Variants in RASEF observed in about 807,000 individuals in gnomAD.
The protein encoded by RASEF is RAS and EF-hand domain containing, also known as ras and EF-hand domain-containing protein.
RASEF carries 68 observed loss-of-function variants against 90.1 expected under a neutral mutation model. The ratio of observed to expected loss-of-function variants is 0.75; its 90% CI spans 0.62 to 0.92. RASEF has a LOEUF of 0.92. Ranked by LOEUF, RASEF falls within the 40% of genes least tolerant of loss-of-function variation. RASEF has a pLI of 0.00. For synonymous variants in RASEF, 331 were observed against 345.2 expected (o/e 0.96, Z 0.46); for missense variants, 949 against 937.2 (o/e 1.01, Z -0.16).
the RASEF span, among the ~76,000 whole-genome samples, chr9:83,198,906 T>G: frequency 6.6e-6 from 1 of 151,958 alleles, no homozygotes; most frequent in Admixed American, 6.6e-5. Flanking sequence ...ATACAAATCT[T>G]AAATATTTAG....
chr9:83,104,027 T>G, the RASEF span, among the ~76,000 whole-genome samples: 1 of 152,168 alleles, frequency 6.6e-6, no homozygotes, highest in Non-Finnish European at 1.5e-5. Flanking sequence ...GGTTAAAACA[T>G]CTTTCAGAAA....
rs748281774 is a variant in RASEF at position 82,982,767 on chromosome 9, T to G, written c.2133A>C (p.Arg711Ser). Residue 711 changes from arginine (R) to serine (S), a missense_variant, in exon 17 of 17, where the codon AGA becomes AGC. This residue lies in a region of RASEF where 288 missense variants were observed against 328.4 expected (regional missense o/e 0.88). Coordinates refer to ENST00000376447, the MANE Select transcript of RASEF (RefSeq NM_152573.4). ...VLHLAREVKKRTDKDDSRSIT... is the reference protein window; with the variant it reads ...VLHLAREVKKSTDKDDSRSIT... Reference sequence around the variant, plus strand: ...TGGATCTGCTGTCATCCTTGTCAGTTCTCTTTTTCACTTCTCTGAGACAGA... The same window carrying G: ...TGGATCTGCTGTCATCCTTGTCAGTGCTCTTTTTCACTTCTCTGAGACAGA... The G allele has an allele frequency of 6.3e-6, 10 of 1,597,422 alleles. No homozygotes were observed. In the South Asian group the frequency reaches 9.9e-5, roughly 16 times the overall value.
intron 1 of RASEF, among the ~76,000 whole-genome samples, chr9:83,030,299 G>A (rs1378491168): frequency 6.6e-6 from 1 of 151,894 alleles, no homozygotes; most frequent in African/African-American, 2.4e-5. Flanking sequence ...AGAGATTGCG[G>A]TGAGCCAAGA....
Position 82,980,874 on chromosome 9 carries a change from A to C in RASEF, c.*1803T>G, listed in dbSNP as rs1449923218. 1 of 152,250 alleles carries C rather than the reference A, an allele frequency of 6.6e-6. No individual in the cohort carries two copies. The highest frequency in any genetic ancestry group is 1.5e-5 in the Non-Finnish European group (1 of 68,044). 9.4% of individuals were successfully genotyped at this position (152,250 alleles called of 1,614,324 possible). On this transcript the variant is annotated 3_prime_UTR_variant, in exon 17 of 17. Transcript: ENST00000376447. ...GGAAACAGGAATTCATGGCAGAGTT[A>C]CTGAGGATAGATCCAACTTTCCAGC...
intron 1 of RASEF, among the ~76,000 whole-genome samples, chr9:83,038,757 T>TA (rs1366384524): frequency 3.9e-5 from 6 of 152,204 alleles, no homozygotes; most frequent in Admixed American, 2.0e-4. Context: ...TGTCAGATAA[T>TA]AAAATAGTGT....
chr9:83,186,941 G>A, the RASEF span, among the ~76,000 whole-genome samples: 1 of 151,994 alleles, frequency 6.6e-6, no homozygotes, highest in Non-Finnish European at 1.5e-5. Context: ...GCCCCAGCAT[G>A]CCCACGATCT....
chr9:82,983,542 A>G lies in RASEF; in HGVS notation c.2118-760T>C, dbSNP rs964541471. Among the ~76,000 whole-genome samples the G allele has an allele frequency of 2.0e-5, 3 of 152,304 alleles. No individual in the cohort carries two copies. The Middle Eastern group carries it at 0.01, about 518-fold the overall frequency. ...GACAAGCTGAACGGCTATCTCTGCC[A>G]GCGAGATGAGTGCCTCCCTAAGATG... On this transcript the variant is annotated intron_variant, in intron 16 of 16. Transcript: ENST00000376447.
At chr9:83,127,178 G>A in the RASEF span, among the ~76,000 whole-genome samples, 2 of 152,150 alleles carry the variant, frequency 1.3e-5, no homozygotes, top group Admixed American at 1.3e-4. Context: ...TAGTTTTGAA[G>A]TACTGATAAG....
chr9:83,188,937 AGTTCTGTG>A, the RASEF span, among the ~76,000 whole-genome samples: 1 of 152,156 alleles, frequency 6.6e-6, no homozygotes, highest in Non-Finnish European at 1.5e-5. Flanking sequence ...CCCCAGCCAC[AGTTCTGTG>A]GCTCCCTGTT....
chr9:83,173,753 T>A, the RASEF span, among the ~76,000 whole-genome samples: 3 of 151,906 alleles, frequency 2.0e-5, no homozygotes, highest in Non-Finnish European at 4.4e-5. Flanking sequence ...CCTTATTTAG[T>A]CTGTTTGGTG....
At chr9:83,034,567 G>A (rs1382023213) in intron 1 of RASEF, among the ~76,000 whole-genome samples, 1 of 152,230 alleles carries the variant, frequency 6.6e-6, no homozygotes, top group African/African-American at 2.4e-5. Flanking sequence ...GAACAATCCA[G>A]ATTACAAATT....
At chr9:83,204,508 A>T in the RASEF span, among the ~76,000 whole-genome samples, 1 of 152,208 alleles carries the variant, frequency 6.6e-6, no homozygotes, top group Non-Finnish European at 1.5e-5. Context: ...TGGAGGGGAC[A>T]AAAAAGGTTC....
the RASEF span, among the ~76,000 whole-genome samples, chr9:83,137,051 T>C: frequency 0.013 from 2,043 of 152,226 alleles, 46 homozygotes; most frequent in African/African-American, 0.046. Flanking sequence ...TATATGTACT[T>C]CTTTATTTCA....
the RASEF span, among the ~76,000 whole-genome samples, chr9:83,179,165 A>T: frequency 6.6e-6 from 1 of 152,212 alleles, no homozygotes; most frequent in Non-Finnish European, 1.5e-5. Flanking sequence ...TTGAAAAATC[A>T]GTGTCAGTTG....
At chr9:83,008,810 C>A (rs1414556990) in intron 6 of RASEF, among the ~76,000 whole-genome samples, 5 of 146,644 alleles carry the variant, frequency 3.4e-5, no homozygotes, top group Non-Finnish European at 7.4e-5. Flanking sequence ...AGTGGCACTA[C>A]TTCTGATATT....
intron 1 of RASEF, among the ~76,000 whole-genome samples, chr9:83,031,337 G>T (rs1009543774): frequency 6.6e-6 from 1 of 152,054 alleles, no homozygotes; most frequent in African/African-American, 2.4e-5. Flanking sequence ...TTTTAGAAGG[G>T]AACAAAAGGC....
At chr9:83,134,324 C>T in the RASEF span, among the ~76,000 whole-genome samples, 1 of 151,206 alleles carries the variant, frequency 6.6e-6, no homozygotes, top group South Asian at 2.1e-4. Context: ...ACACCTTTTA[C>T]CAAAGAGCTT....
intron 1 of RASEF, among the ~76,000 whole-genome samples, chr9:83,043,331 A>G (rs770372364): frequency 2.0e-5 from 3 of 151,840 alleles, no homozygotes; most frequent in Non-Finnish European, 2.9e-5. Context: ...GTATGAACCT[A>G]TGTATGTAAC....
At chr9:82,996,165 C>A (rs540503209) in intron 14 of RASEF, among the ~76,000 whole-genome samples, 1 of 152,254 alleles carries the variant, frequency 6.6e-6, no homozygotes, top group African/African-American at 2.4e-5. Context: ...ATGCCAGAAG[C>A]TAAATTGAGA....
Sources: gnomAD v4.1 joint callset for allele counts (sites outside exome capture counted in the v4.1 genomes callset) on GRCh38, gnomAD v4.1.1 for gene constraint, gnomAD v4.1.1 regional missense constraint, MANE v1.5 for transcripts, NCBI Gene and HGNC (gene_info 2026-07-23, HGNC 2026-07-21) for gene names.